AK9: variants seen among roughly 807,000 people sequenced by gnomAD.
The protein encoded by AK9 is adenylate kinase 9.
Under a neutral mutation model 239.6 loss-of-function variants are expected in AK9, and 191 were observed. That is an observed-to-expected ratio of 0.80 (90% CI 0.71 to 0.90). The LOEUF (loss-of-function observed/expected upper bound fraction) is 0.90. AK9 is among the 40% of genes least tolerant of loss of function. The pLI is 0.00. For missense variants in AK9, 1,995 were observed against 2,214.7 expected (o/e 0.90, Z 1.99); for synonymous variants, 689 against 721.0 (o/e 0.96, Z 0.71).
intron 24 of AK9, among the ~76,000 whole-genome samples, chr6:109,555,273 G>A (rs952655455): frequency 1.3e-5 from 2 of 152,112 alleles, no homozygotes; most frequent in Non-Finnish European, 2.9e-5. Context: ...TATTTATCCA[G>A]CAATCATTCA....
At chr6:109,591,211 G>A (rs1458277127) in intron 17 of AK9, among the ~76,000 whole-genome samples, 1 of 152,020 alleles carries the variant, frequency 6.6e-6, no homozygotes, top group Non-Finnish European at 1.5e-5. Context: ...GGTATTCGAT[G>A]CATATATATT....
intron 31 of AK9, 140 bp from the exon 32 acceptor site, chr6:109,514,577 T>A (rs1290720733): frequency 1.3e-6 from 1 of 749,504 alleles, no homozygotes; most frequent in African/African-American, 1.8e-5. Context: ...TAATCAAAGG[T>A]TAATATTAAA....
chr6:109,550,522 A>C (rs1016928121), intron 24 of AK9: 1 of 403,850 alleles, frequency 2.5e-6, no homozygotes, highest in Non-Finnish European at 4.3e-6. Flanking sequence ...GAGGAAAATA[A>C]AGCAGCACTG....
chr6:109,505,943 T>A (rs1011679819), intron 35 of AK9, among the ~76,000 whole-genome samples: 5 of 152,150 alleles, frequency 3.3e-5, no homozygotes, highest in African/African-American at 1.2e-4. Context: ...GAGGCACTGT[T>A]CCTCATAGAT....
chr6:109,610,215 CT>C, intron 17 of AK9, 149 bp downstream of exon 17: 2 of 984,352 alleles, frequency 2.0e-6, no homozygotes, highest in Non-Finnish European at 2.9e-6. Flanking sequence ...GTACTTCGCA[CT>C]TAACAATGCT....
chr6:109,573,206 C>T (rs76213169), intron 21 of AK9, among the ~76,000 whole-genome samples: 3,153 of 152,156 alleles, frequency 0.021, 84 homozygotes, highest in East Asian at 0.11. Context: ...GAACAACATG[C>T]CCCACAAATT....
chr6:109,609,746 G>A (rs148677015), intron 17 of AK9, among the ~76,000 whole-genome samples: 73 of 152,222 alleles, frequency 4.8e-4, no homozygotes, highest in African/African-American at 1.7e-3. Flanking sequence ...GAAGTTCATC[G>A]AGGGCCTAAA....
chr6:109,571,675 C>T (rs1162316101), intron 21 of AK9, among the ~76,000 whole-genome samples: 1 of 152,138 alleles, frequency 6.6e-6, no homozygotes, highest in East Asian at 1.9e-4. Flanking sequence ...CACCGTTCAA[C>T]ATCAACTGTA....
chr6:109,656,352 T>C (rs17070803), intron 8 of AK9, among the ~76,000 whole-genome samples: 3,872 of 152,308 alleles, frequency 0.025, 92 homozygotes, highest in East Asian at 0.11. Flanking sequence ...ATTCTTTAGA[T>C]TGCAATTTAA....
chr6:109,669,859 T>C (rs1448878383), intron 5 of AK9, among the ~76,000 whole-genome samples: 1 of 152,194 alleles, frequency 6.6e-6, no homozygotes, highest in Non-Finnish European at 1.5e-5. Flanking sequence ...GAAGGCGCTT[T>C]AGGTTCCATC....
chr6:109,563,740 A>C, intron 23 of AK9, 28 bp from the exon 24 acceptor site: 1 of 1,536,504 alleles, frequency 6.5e-7, no homozygotes, highest in Non-Finnish European at 8.8e-7. Flanking sequence ...CATTGGGGAA[A>C]ATATTTTTAG....
chr6:109,585,164 T>C lies in AK9; in HGVS notation c.2073A>G (p.Leu691=). ...CTTTTTTTTTCTTTTGTAGTTCTTC[T>C]AATAATCTTTCTAAAATCTTAGAGT... is the stretch of plus-strand genomic sequence containing the variant. The part of the protein sequence containing the change: ...EIDSKILERL[L]EELQKKKKEE... Residue 691 remains leucine, a synonymous_variant, in exon 19 of 41, where the codon TTA becomes TTG. Transcript: ENST00000424296. The C allele has an allele frequency of 2.7e-6, 3 of 1,113,464 alleles. No homozygotes were observed. Among genetic ancestry groups the C allele is most frequent in the Non-Finnish European group, 3.5e-6 (3 of 856,896 alleles). The allele number at this position is 1,113,464 out of a possible 1,614,324, so 69.0% of individuals were successfully genotyped here. A position where few individuals can be genotyped will look rare whatever the true frequency, so the allele number is the denominator to read the frequency against.
intron 7 of AK9, among the ~76,000 whole-genome samples, chr6:109,657,434 G>C (rs1799837148): frequency 6.6e-6 from 1 of 152,102 alleles, no homozygotes; most frequent in African/African-American, 2.4e-5. Flanking sequence ...ATGAAGAGTG[G>C]TAGGAGAAGA....
intron 28 of AK9, among the ~76,000 whole-genome samples, chr6:109,533,025 C>A (rs562429303): frequency 6.6e-6 from 1 of 152,304 alleles, no homozygotes; most frequent in South Asian, 2.1e-4. Flanking sequence ...GGCAGTACCA[C>A]TACCTTTCAT....
At chr6:109,636,816 T>G (rs1796777221) in intron 10 of AK9, among the ~76,000 whole-genome samples, 1 of 147,106 alleles carries the variant, frequency 6.8e-6, no homozygotes, top group Non-Finnish European at 1.5e-5. Context: ...TGATGGACAT[T>G]GGGTTATCTC....
Position 109,656,751 on chromosome 6 carries a change from C to G in AK9, c.759+5G>C. 6.3e-7 allele frequency: 1 copy of G among 1,576,920 alleles called. No individual in the cohort carries two copies. Among genetic ancestry groups the G allele is most frequent in the Non-Finnish European group, 8.7e-7 (1 of 1,154,220 alleles). ...TTCATTTTCAGCAATATATTTTGTT[C>G]TTACTTCTAAAGTTTGGAGAATTGT... On this transcript the variant is annotated splice_donor_5th_base_variant and intron_variant, in intron 8 of 40. Coordinates refer to ENST00000424296, the MANE Select transcript of AK9 (RefSeq NM_001145128.3).
chr6:109,539,598 C>T (rs920270618), intron 27 of AK9, among the ~76,000 whole-genome samples: 1 of 152,232 alleles, frequency 6.6e-6, no homozygotes, highest in Non-Finnish European at 1.5e-5. Context: ...CTTCTTCTCT[C>T]AACTTGTCAA....
At chr6:109,635,586 G>A (rs1030650964) in intron 10 of AK9, among the ~76,000 whole-genome samples, 4 of 152,102 alleles carry the variant, frequency 2.6e-5, no homozygotes, top group South Asian at 4.1e-4. Context: ...CCAAGGTAGC[G>A]GGGCAGGGGC....
At chr6:109,533,525 G>T in intron 27 of AK9, 55 bp from the exon 28 acceptor site, 11 of 1,378,434 alleles carry the variant, frequency 8.0e-6, no homozygotes, top group Non-Finnish European at 1.1e-5. Context: ...TAATGGATGT[G>T]TTCATTAATT....
Sources: allele counts gnomAD v4.1 joint callset (sites outside exome capture counted in the v4.1 genomes callset), GRCh38; gene constraint gnomAD v4.1.1; transcripts MANE v1.5; gene names NCBI Gene and HGNC (gene_info 2026-07-23, HGNC 2026-07-21).